Variants in DTWD2 observed in about 807,000 individuals in gnomAD.
The protein encoded by DTWD2 is tRNA-uridine aminocarboxypropyltransferase 2.
A neutral mutation model predicts 31.8 loss-of-function variants in DTWD2; 39 were observed. The ratio of observed to expected loss-of-function variants is 1.22; its 90% CI spans 0.95 to 1.60. DTWD2 has a LOEUF of 1.60. Among genes scored for constraint, DTWD2 ranks in the 40% most tolerant of loss-of-function variants. The probability of loss-of-function intolerance (pLI) is 0.00; values close to 1 mark genes in which losing one functional copy is unlikely to be tolerated. For synonymous variants in DTWD2, 180 were observed against 142.8 expected (o/e 1.26, Z -1.86); for missense variants, 515 against 381.5 (o/e 1.35, Z -2.92).
chr5:118,920,437 T>C (rs1753676267), intron 4 of DTWD2, among the ~76,000 whole-genome samples: 2 of 151,948 alleles, frequency 1.3e-5, no homozygotes, highest in Admixed American at 1.3e-4. Flanking sequence ...TATCTAAAGG[T>C]ATGGGTAGGG....
chr5:118,913,687 G>C (rs1381155476), intron 4 of DTWD2, among the ~76,000 whole-genome samples: 2 of 151,948 alleles, frequency 1.3e-5, no homozygotes, highest in East Asian at 3.9e-4. Context: ...ATAACCGTAA[G>C]TCATAAAAAC....
intron 4 of DTWD2, among the ~76,000 whole-genome samples, chr5:118,927,129 C>T (rs1753826698): frequency 1.3e-5 from 2 of 152,050 alleles, no homozygotes; most frequent in Admixed American, 1.3e-4. Context: ...GGAAGTATCT[C>T]TCATGTCTCT....
chr5:118,852,330 T>G (rs892544833), intron 4 of DTWD2, among the ~76,000 whole-genome samples: 2 of 152,162 alleles, frequency 1.3e-5, no homozygotes, highest in African/African-American at 4.8e-5. Context: ...GTGATGTACA[T>G]CCTCAGCTTA....
rs996876617 is a variant in DTWD2 at position 118,939,363 on chromosome 5, C to A, written c.310-73G>T. 4.9e-6 allele frequency: 6 copies of A among 1,234,540 alleles called. No homozygotes were observed. In the African/African-American group the frequency reaches 6.3e-5, roughly 13 times the overall value. 76.5% of individuals were successfully genotyped at this position (1,234,540 alleles called of 1,614,324 possible). A position where few individuals can be genotyped will look rare whatever the true frequency, so the allele number is the denominator to read the frequency against. ...ACACTTTTAAATATTTTATAATGAA[C>A]ATCTGATTCATAACTTTATGCATAA... is the stretch of plus-strand genomic sequence containing the variant. On this transcript the variant is annotated intron_variant, in intron 2 of 5. Coordinates refer to ENST00000510708, the MANE Select transcript of DTWD2 (RefSeq NM_173666.4).
chr5:118,976,053 A>G (rs1314285209), intron 1 of DTWD2, among the ~76,000 whole-genome samples: 1 of 152,192 alleles, frequency 6.6e-6, no homozygotes, highest in African/African-American at 2.4e-5. Context: ...AAACCTCACA[A>G]CTACACGGAA....
chr5:118,980,819 A>G (rs72784054), intron 1 of DTWD2, among the ~76,000 whole-genome samples: 1 of 152,340 alleles, frequency 6.6e-6, no homozygotes, highest in Non-Finnish European at 1.5e-5. Context: ...GGCAAAAACC[A>G]CAATTACTTT....
intron 4 of DTWD2, among the ~76,000 whole-genome samples, chr5:118,855,963 A>T (rs1488787141): frequency 1.3e-5 from 2 of 152,192 alleles, no homozygotes; most frequent in Admixed American, 1.3e-4. Flanking sequence ...GTTAGGAAGT[A>T]TAAGACTAAA....
At chr5:118,897,234 A>G (rs2149563389) in intron 4 of DTWD2, among the ~76,000 whole-genome samples, 1 of 152,334 alleles carries the variant, frequency 6.6e-6, no homozygotes, top group Admixed American at 6.5e-5. Flanking sequence ...CAAGTTTCCA[A>G]GTGTCTTCTC....
In DTWD2 at chr5:118,838,248, C is replaced by T. The variant is rs1474368313; in HGVS notation, c.*2669G>A. 3 of 152,078 alleles carry T rather than the reference C, an allele frequency of 2.0e-5. No homozygotes were observed. The highest frequency in any genetic ancestry group is 4.4e-5 in the Non-Finnish European group (3 of 68,022). 9.4% of individuals were successfully genotyped at this position (152,078 alleles called of 1,614,324 possible). On this transcript the variant is annotated 3_prime_UTR_variant, in exon 6 of 6. Coordinates refer to ENST00000510708, the MANE Select transcript of DTWD2 (RefSeq NM_173666.4). ...TAAAGGAGCTGATTAAAAGTGAGGT[C>T]ACTTTATGTATGAGGAAATACTATT...
intron 4 of DTWD2, among the ~76,000 whole-genome samples, chr5:118,905,013 A>G (rs1414972391): frequency 1.3e-5 from 2 of 152,108 alleles, no homozygotes; most frequent in African/African-American, 2.4e-5. Context: ...CTTCCAAAGC[A>G]TATTTGATAA....
chr5:118,962,847 CAG>C (rs1432401357), intron 1 of DTWD2, among the ~76,000 whole-genome samples: 1 of 152,142 alleles, frequency 6.6e-6, no homozygotes, highest in Admixed American at 6.5e-5. Context: ...CAAGAGAAAA[CAG>C]AGCTGGGGCT....
intron 1 of DTWD2, among the ~76,000 whole-genome samples, chr5:118,982,706 T>TG (rs1755332084): frequency 6.8e-6 from 1 of 147,936 alleles, no homozygotes; most frequent in African/African-American, 2.5e-5. Context: ...TTTTTTTTTT[T>TG]GAGACGGAGT....
intron 4 of DTWD2, among the ~76,000 whole-genome samples, chr5:118,896,395 C>T (rs1357154211): frequency 6.6e-6 from 1 of 151,214 alleles, no homozygotes; most frequent in East Asian, 1.9e-4. Flanking sequence ...TTTTCATTTT[C>T]AGATGAAAAA....
intron 1 of DTWD2, among the ~76,000 whole-genome samples, chr5:118,967,271 G>A (rs1478714186): frequency 1.3e-5 from 2 of 152,166 alleles, no homozygotes; most frequent in Admixed American, 1.3e-4. Context: ...CTTTACATAA[G>A]TGTAGGTGTA....
intron 5 of DTWD2, among the ~76,000 whole-genome samples, chr5:118,844,999 T>C (rs754231632): frequency 6.5e-4 from 98 of 151,932 alleles, no homozygotes; most frequent in Non-Finnish European, 7.8e-4. Context: ...ATACAAAAAT[T>C]AGCTGGGCAT....
intron 4 of DTWD2, among the ~76,000 whole-genome samples, chr5:118,901,603 A>G (rs1753211634): frequency 6.6e-6 from 1 of 152,190 alleles, no homozygotes; most frequent in Non-Finnish European, 1.5e-5. Flanking sequence ...AGAAAAAGAA[A>G]ATCTTGTATC....
At chr5:118,841,481 A>G (rs761566487) in intron 5 of DTWD2, among the ~76,000 whole-genome samples, 2 of 152,248 alleles carry the variant, frequency 1.3e-5, no homozygotes, top group Non-Finnish European at 2.9e-5. Context: ...TTTCTATGAC[A>G]AATTAATGCA....
At chr5:118,907,584 A>G (rs1485925392) in intron 4 of DTWD2, among the ~76,000 whole-genome samples, 2 of 152,166 alleles carry the variant, frequency 1.3e-5, no homozygotes, top group Non-Finnish European at 2.9e-5. Flanking sequence ...TACAAAAATT[A>G]GCCAGGCATG....
At chr5:118,936,770 G>A (rs553274196) in intron 3 of DTWD2, among the ~76,000 whole-genome samples, 2 of 151,936 alleles carry the variant, frequency 1.3e-5, no homozygotes, top group East Asian at 3.9e-4. Flanking sequence ...ACAATAAAGA[G>A]TAGAAATCAA....
Sources: allele counts gnomAD v4.1 joint callset (sites outside exome capture counted in the v4.1 genomes callset), GRCh38; gene constraint gnomAD v4.1.1; transcripts MANE v1.5; gene names NCBI Gene and HGNC (gene_info 2026-07-23, HGNC 2026-07-21).